Variants in PCDH15 observed in about 807,000 individuals in gnomAD.
PCDH15 encodes the protein protocadherin-15.
A neutral mutation model predicts 178.5 loss-of-function variants in PCDH15; 129 were observed. The observed-to-expected ratio is 0.72, with a 90% CI of 0.63 to 0.84. The LOEUF is 0.84. PCDH15 is among the 40% of genes least tolerant of loss of function. The pLI, the probability that PCDH15 is intolerant of heterozygous loss-of-function variation, is 0.00. For missense variants in PCDH15, 2,230 were observed against 2,099.9 expected, an observed-to-expected ratio of 1.06 and a Z score of -1.21; for synonymous variants, 800 against 732.0, an observed-to-expected ratio of 1.09 and a Z score of -1.50.
Position 54,387,457 on chromosome 10 carries a change from A to C in PCDH15, c.158-8515T>G, listed in dbSNP as rs182364082. ...GATCAACAGTGAGGCTGGTATGCTA[A>C]GTTAAATAAGCCACTCATGAAAAAA... On this transcript the variant is annotated intron_variant, in intron 3 of 37. Transcript: ENST00000644397. Among the ~76,000 whole-genome samples, 242 of 152,334 alleles carry C rather than the reference A, an allele frequency of 1.6e-3. 2 individuals are homozygous for C. The highest frequency in any genetic ancestry group is 2.7e-3 in the Non-Finnish European group (181 of 68,036).
chr10:54,295,381 G>C (rs2059686209), intron 8 of PCDH15, among the ~76,000 whole-genome samples: 2 of 152,300 alleles, frequency 1.3e-5, no homozygotes, highest in South Asian at 4.1e-4. Context: ...GGGAATAAAA[G>C]CTGGCCACCA....
intron 10 of PCDH15, among the ~76,000 whole-genome samples, chr10:54,213,284 G>A (rs924716763): frequency 4.0e-5 from 6 of 151,762 alleles, no homozygotes; most frequent in Non-Finnish European, 8.8e-5. Flanking sequence ...GAAGTCCATC[G>A]AAATTAATTA....
rs192701138 is a variant in PCDH15, at chr10:54,048,006, C to T, written c.2220+18751G>A. Among the ~76,000 whole-genome samples, 213 of 152,234 alleles carry T rather than the reference C, an allele frequency of 1.4e-3. 1 individual carries two copies. The highest frequency in any genetic ancestry group is 4.9e-3 in the African/African-American group (204 of 41,546). On this transcript the variant is annotated intron_variant, in intron 18 of 37. Transcript: ENST00000644397. Reference sequence around the variant, plus strand: ...CTGCAGAAAGCAGTTTGGAGATATCCACATTTACATTTCCACCAACAGTGT... The same window carrying T: ...CTGCAGAAAGCAGTTTGGAGATATCTACATTTACATTTCCACCAACAGTGT...
At chr10:54,232,615 A>C (rs2054185989) in intron 9 of PCDH15, among the ~76,000 whole-genome samples, 1 of 152,200 alleles carries the variant, frequency 6.6e-6, no homozygotes, top group African/African-American at 2.4e-5. Flanking sequence ...CAGTTTGAAT[A>C]GTTTGATTCC....
At position 54,731,564 on chromosome 10, in the gene PCDH15, A is replaced by ATATATATATATATATATATATATATG. The variant is rs1491229343; in HGVS notation, c.-28-67275_-28-67274insCATATATATATATATATATATATATA. 9.8e-3 allele frequency among the ~76,000 whole-genome samples: 423 copies of ATATATATATATATATATATATATATG among 43,112 alleles called. 17 individuals are homozygous for ATATATATATATATATATATATATATG. The highest frequency in any genetic ancestry group is 0.022 in the South Asian group (26 of 1,174). 28.3% of individuals were successfully genotyped at this position (43,112 alleles called of 152,430 possible). A position where few individuals can be genotyped will look rare whatever the true frequency, so the allele number is the denominator to read the frequency against. On this transcript the variant is annotated intron_variant, in intron 1 of 37. Transcript: ENST00000644397. ...GAGATAGATATATATATATATATAT[A>ATATATATATATATATATATATATATG]CACACACACACACACACACACACAC...
chr10:54,491,375 C>A (rs1364280210), intron 3 of PCDH15, among the ~76,000 whole-genome samples: 2 of 148,694 alleles, frequency 1.3e-5, no homozygotes, highest in Non-Finnish European at 3.0e-5. Context: ...TGATCAAATT[C>A]ACACAGTTAA....
intron 3 of PCDH15, among the ~76,000 whole-genome samples, chr10:54,380,747 T>G (rs1194333553): frequency 1.6e-5 from 2 of 121,352 alleles, no homozygotes; most frequent in Non-Finnish European, 3.3e-5. Flanking sequence ...TATATATATA[T>G]GCTCCAAGCT....
At chr10:54,680,471 A>G (rs1318355862) in intron 1 of PCDH15, among the ~76,000 whole-genome samples, 1 of 151,950 alleles carries the variant, frequency 6.6e-6, no homozygotes, top group East Asian at 1.9e-4. Context: ...TTTTTTTTTA[A>G]GAAAAGAAGA....
chr10:54,935,539 G>T (rs2131857469), intron 2 of PCDH15, among the ~76,000 whole-genome samples: 1 of 152,190 alleles, frequency 6.6e-6, no homozygotes, highest in South Asian at 2.1e-4. Context: ...ACTATAGTGT[G>T]CACCTCTGGT....
chr10:54,557,632 T>C (rs1339165511), intron 2 of PCDH15, among the ~76,000 whole-genome samples: 1 of 152,150 alleles, frequency 6.6e-6, no homozygotes, highest in Non-Finnish European at 1.5e-5. Flanking sequence ...TTCATAATAC[T>C]GAGGAGGTGG....
chr10:54,303,431 T>C (rs1303581928), intron 8 of PCDH15, among the ~76,000 whole-genome samples: 1 of 152,042 alleles, frequency 6.6e-6, no homozygotes, highest in Non-Finnish European at 1.5e-5. Flanking sequence ...TGTGTATATA[T>C]ATGCATATAT....
At chr10:54,641,582 CCACACA>C (rs57194998) in intron 2 of PCDH15, among the ~76,000 whole-genome samples, 2 of 148,678 alleles carry the variant, frequency 1.3e-5, no homozygotes, top group Admixed American at 1.3e-4. Context: ...TATGCAAACA[CCACACA>C]CACACACACA....
chr10:55,484,682 T>C (rs1350598156), intron 2 of PCDH15, among the ~76,000 whole-genome samples: 1 of 151,676 alleles, frequency 6.6e-6, no homozygotes, highest in Non-Finnish European at 1.5e-5. Context: ...GTTACTGGCA[T>C]AAAAACAGAC....
chr10:53,950,093 T>C (rs2086894612), intron 23 of PCDH15, among the ~76,000 whole-genome samples: 1 of 152,076 alleles, frequency 6.6e-6, no homozygotes, highest in African/African-American at 2.4e-5. Flanking sequence ...GAGAAAGTGG[T>C]AAGATTATCT....
At chr10:55,099,848 C>T (rs1472763123) in intron 2 of PCDH15, among the ~76,000 whole-genome samples, 1 of 152,036 alleles carries the variant, frequency 6.6e-6, no homozygotes, top group African/African-American at 2.4e-5. Context: ...TTACTCATAG[C>T]AGTGGATATA....
At chr10:55,506,189 T>A (rs1286009060) in intron 2 of PCDH15, 1 of 151,434 alleles carries the variant, frequency 6.6e-6, no homozygotes, top group South Asian at 2.1e-4. Context: ...AGGAGAAAGA[T>A]GAAGGTGTCT....
At chr10:55,350,221 A>G (rs1450236110) in intron 2 of PCDH15, among the ~76,000 whole-genome samples, 2 of 131,368 alleles carry the variant, frequency 1.5e-5, no homozygotes, top group African/African-American at 5.6e-5. Context: ...TATACCATAT[A>G]TAAACTCATA....
intron 1 of PCDH15, among the ~76,000 whole-genome samples, chr10:55,187,087 C>A (rs921314731): frequency 2.6e-5 from 4 of 151,730 alleles, no homozygotes; most frequent in African/African-American, 9.7e-5. Flanking sequence ...TCTTTTATAA[C>A]AAATATTGAA....
At chr10:54,833,994 T>C (rs141611572) in intron 3 of PCDH15, among the ~76,000 whole-genome samples, 83 of 152,238 alleles carry the variant, frequency 5.5e-4, no homozygotes, top group Middle Eastern at 6.8e-3. Context: ...TCCTGGGCTA[T>C]AGAATGGGAG....
Sources: allele counts gnomAD v4.1 joint callset (sites outside exome capture counted in the v4.1 genomes callset), GRCh38; gene constraint gnomAD v4.1.1; transcripts MANE v1.5; gene names NCBI Gene and HGNC (gene_info 2026-07-23, HGNC 2026-07-21).